The following DRC3 variants were observed in gnomAD, a reference collection of about 807,000 sequenced individuals.
The protein encoded by DRC3 is dynein regulatory complex subunit 3.
Under a neutral mutation model 57.6 loss-of-function variants are expected in DRC3, and 45 were observed. That is an observed-to-expected ratio of 0.78 (90% CI 0.62 to 1.00). The LOEUF is 1.00. Ranked by LOEUF, DRC3 falls within the 50% of genes least tolerant of loss-of-function variation. The pLI is 0.00. For missense variants in DRC3, 655 were observed against 675.2 expected, an observed-to-expected ratio of 0.97 and a Z score of 0.33; for synonymous variants, 257 against 272.3, an observed-to-expected ratio of 0.94 and a Z score of 0.55.
In DRC3 at chr17:18,004,609, C is replaced by T; in HGVS notation, c.1131+115C>T. On this transcript the variant is annotated intron_variant, in intron 10 of 13. Transcript: ENST00000399187. Reference sequence around the variant, plus strand: ...GCTGGAAACGTCCAGCACGACTCAGCGTGGCAGGCTGTAGCTTTCTTGCTC... The same window carrying T: ...GCTGGAAACGTCCAGCACGACTCAGTGTGGCAGGCTGTAGCTTTCTTGCTC... 8 of 1,182,624 alleles carry T rather than the reference C, an allele frequency of 6.8e-6. No homozygotes were observed. In the Middle Eastern group the frequency reaches 8.5e-4, roughly 125 times the overall value. 73.3% of individuals were successfully genotyped at this position (1,182,624 alleles called of 1,614,324 possible). A position where few individuals can be genotyped will look rare whatever the true frequency, so the allele number is the denominator to read the frequency against.
At chr17:17,993,078 A>G in intron 6 of DRC3, 167 bp downstream of exon 6, 1 of 697,196 alleles carries the variant, frequency 1.4e-6, no homozygotes, top group East Asian at 2.8e-5. Flanking sequence ...GAGTGATTCC[A>G]GCAGCACCCT....
intron 12 of DRC3, among the ~76,000 whole-genome samples, chr17:18,013,516 T>C (rs1330172015): frequency 6.6e-6 from 1 of 152,196 alleles, no homozygotes; most frequent in Middle Eastern, 3.2e-3. Flanking sequence ...GAGGACATTA[T>C]GTTAAGTGAA....
intron 8 of DRC3, chr17:17,995,821 G>T (rs2043433155): frequency 6.6e-6 from 1 of 152,536 alleles, no homozygotes; most frequent in African/African-American, 2.4e-5. Flanking sequence ...CTGACATTCT[G>T]GGCCTGTGAG....
At chr17:17,997,306 C>A in intron 8 of DRC3, 154 bp from the exon 9 acceptor site, 1 of 668,128 alleles carries the variant, frequency 1.5e-6, no homozygotes. Flanking sequence ...TTGATTTCTT[C>A]ATCCACCAAA....
chr17:17,988,846 G>A (rs183995391), intron 5 of DRC3, among the ~76,000 whole-genome samples: 1 of 152,270 alleles, frequency 6.6e-6, no homozygotes, highest in East Asian at 1.9e-4. Context: ...TGTCCAGCAG[G>A]ACCAAATCCA....
At chr17:18,007,749 C>T (rs1454431389) in intron 12 of DRC3, 1 of 1,167,748 alleles carries the variant, frequency 8.6e-7, no homozygotes, top group Non-Finnish European at 1.1e-6. Context: ...AGGGCCCAGA[C>T]AGAGATACTA....
At position 18,016,668 on chromosome 17, in the gene DRC3, C is replaced by T. The variant is rs200764081; in HGVS notation, c.1569C>T (p.Asp523=). The T allele has an allele frequency of 4.8e-4, 776 of 1,602,738 alleles. No homozygotes were observed. Among genetic ancestry groups the T allele is most frequent in the Admixed American group, 9.8e-4 (59 of 59,940 alleles). ...ACCTGGAATGTGGCGACATCCTAGACTAGATGAATGTCAGCCACAGGAGCT... is the reference window on the plus strand; with the variant it reads ...ACCTGGAATGTGGCGACATCCTAGATTAGATGAATGTCAGCCACAGGAGCT... ...LDNLECGDIL[D] is the part of the protein sequence containing the mutation. Residue 523 remains aspartate, a synonymous_variant, in exon 14 of 14, where the codon GAC becomes GAT. Transcript: ENST00000399187.
intron 9 of DRC3, among the ~76,000 whole-genome samples, chr17:18,001,380 G>A (rs990754734): frequency 2.0e-5 from 3 of 152,204 alleles, no homozygotes; most frequent in Admixed American, 1.3e-4. Context: ...ATGCATGCCT[G>A]TAATCCCAGC....
At chr17:18,006,968 A>C (rs923492731) in intron 11 of DRC3, 56 bp from the exon 12 acceptor site, 3 of 1,602,066 alleles carry the variant, frequency 1.9e-6, no homozygotes, top group Non-Finnish European at 2.6e-6. Flanking sequence ...GTCTGAGAGC[A>C]TCAGGGACGC....
chr17:17,977,907 G>A, intron 3 of DRC3, 149 bp downstream of exon 3: 1 of 690,932 alleles, frequency 1.4e-6, no homozygotes, highest in Non-Finnish European at 2.4e-6. Context: ...AGGCATAGGA[G>A]CAGCACAGAT....
chr17:18,013,670 T>C (rs755060565), intron 12 of DRC3, among the ~76,000 whole-genome samples: 11 of 152,162 alleles, frequency 7.2e-5, no homozygotes, highest in Non-Finnish European at 1.6e-4. Flanking sequence ...GGGAGAGATT[T>C]GTTAAAGGAT....
intron 12 of DRC3, among the ~76,000 whole-genome samples, chr17:18,013,787 T>C (rs923349266): frequency 2.6e-5 from 4 of 152,188 alleles, no homozygotes; most frequent in African/African-American, 7.2e-5. Flanking sequence ...AAGGAGGATA[T>C]TGAATGTTCT....
In DRC3 at chr17:18,004,389, G is replaced by A. The variant is rs753018505; in HGVS notation, c.1026G>A (p.Leu342=). The change falls in exon 10 of 14, where the codon TTG becomes TTA. Residue 342 remains leucine, a synonymous_variant. Coordinates refer to ENST00000399187, the MANE Select transcript of DRC3 (RefSeq NM_031294.4). ...GTTTAAGTGCCATTCGAGAGGAGTT[G>A]GAACTGCCCAACATTGAGAAGATGA... ...LSSLSAIREE[L]ELPNIEKMIL... 3.1e-5 allele frequency: 49 copies of A among 1,606,500 alleles called. No homozygotes were observed. The highest frequency in any genetic ancestry group is 4.2e-5 in the Non-Finnish European group (49 of 1,176,200).
chr17:18,007,749 C>G (rs1454431389), intron 12 of DRC3: 8 of 1,167,748 alleles, frequency 6.9e-6, no homozygotes, highest in Non-Finnish European at 7.4e-6. Context: ...AGGGCCCAGA[C>G]AGAGATACTA....
chr17:18,011,918 G>C (rs956349721), intron 12 of DRC3: 1 of 152,680 alleles, frequency 6.5e-6, no homozygotes, highest in African/African-American at 2.4e-5. Flanking sequence ...CACCACCTGG[G>C]TTCACATGAT....
chr17:17,976,564 C>T (rs2042395364), intron 2 of DRC3, among the ~76,000 whole-genome samples: 1 of 152,142 alleles, frequency 6.6e-6, no homozygotes, highest in Admixed American at 6.5e-5. Flanking sequence ...ACCTGAAATC[C>T]TAGTTACTCA....
In DRC3 at chr17:18,016,136, A is replaced by T; in HGVS notation, c.1399A>T (p.Asn467Tyr). The change falls in exon 13 of 14, where the codon AAT (asparagine) becomes TAT (tyrosine). Residue 467 changes from asparagine to tyrosine, a missense_variant. Asn to Tyr is a moderately radical substitution (Grantham distance 143). Coordinates refer to ENST00000399187, the MANE Select transcript of DRC3 (RefSeq NM_031294.4). ...SHDIHLLKID[N>Y]REDELVTRIN... ...CGACATCCACCTCCTGAAGATTGAC[A>T]ATCGAGAAGATGAGCTGGTGACCAG... 6.2e-7 allele frequency: 1 copy of T among 1,613,990 alleles called. No homozygotes were observed. The highest frequency in any genetic ancestry group is 1.1e-5 in the South Asian group (1 of 91,084).
chr17:17,982,500 C>T (rs1392357221), intron 3 of DRC3, among the ~76,000 whole-genome samples: 1 of 152,012 alleles, frequency 6.6e-6, no homozygotes, highest in African/African-American at 2.4e-5. Context: ...CAGGCGTGAG[C>T]CACCACGCCT....
In DRC3 at chr17:17,994,427, C is replaced by T; in HGVS notation, c.711+9C>T. The T allele has an allele frequency of 1.3e-6, 2 of 1,550,740 alleles. No individual in the cohort carries two copies. The highest frequency in any genetic ancestry group is 1.7e-6 in the Non-Finnish European group (2 of 1,146,976). ...AGCTAGAGAAGCACAAGGTACCGTTCCGGCAGGCTGCACGCCCTCGGCCCC... is the reference window on the plus strand; with the variant it reads ...AGCTAGAGAAGCACAAGGTACCGTTTCGGCAGGCTGCACGCCCTCGGCCCC... On this transcript the variant is annotated intron_variant, in intron 7 of 13. Transcript: ENST00000399187.
Sources: allele counts gnomAD v4.1 joint callset (sites outside exome capture counted in the v4.1 genomes callset), GRCh38; gene constraint gnomAD v4.1.1; transcripts MANE v1.5; gene names NCBI Gene and HGNC (gene_info 2026-07-23, HGNC 2026-07-21).